Variants in DNAJC1 observed in about 807,000 individuals in gnomAD.
DNAJC1 encodes the protein dnaJ homolog subfamily C member 1.
In DNAJC1, 58 loss-of-function variants were observed where a neutral mutation model predicts 76.6. The observed-to-expected ratio is 0.76, with a 90% CI of 0.61 to 0.94. DNAJC1 has a LOEUF of 0.94. DNAJC1 is among the 40% of genes least tolerant of loss of function. The probability of loss-of-function intolerance (pLI) is 0.00; values close to 1 mark genes in which losing one functional copy is unlikely to be tolerated. For synonymous variants in DNAJC1, 258 were observed against 267.9 expected (o/e 0.96, Z 0.36); for missense variants, 689 against 677.3 (o/e 1.02, Z -0.19).
intron 8 of DNAJC1, among the ~76,000 whole-genome samples, chr10:21,854,189 T>C (rs911528063): frequency 2.0e-5 from 3 of 152,060 alleles, no homozygotes; most frequent in African/African-American, 7.2e-5. Flanking sequence ...AATTATAATA[T>C]AAGAATTATA....
At chr10:21,960,156 T>C (rs887788399) in intron 1 of DNAJC1, among the ~76,000 whole-genome samples, 1 of 152,142 alleles carries the variant, frequency 6.6e-6, no homozygotes, top group African/African-American at 2.4e-5. Context: ...ACAGATGCAG[T>C]TAAAAGCCTC....
At position 21,929,140 on chromosome 10, in the gene DNAJC1, T is replaced by A; in HGVS notation, c.224A>T (p.Asp75Val). The A allele has an allele frequency of 6.2e-7, 1 of 1,605,012 alleles. No individual in the cohort carries two copies. Among genetic ancestry groups the A allele is most frequent in the South Asian group, 1.1e-5 (1 of 89,864 alleles). ...TTTTCTGATGTCTGCAGATGATGCA[T>A]CCTGGAGGTGGTAGGGGGAGGGGAA... Reference protein sequence around the residue: ...NFYQFLGVQQDASSADIRKAY... With the variant: ...NFYQFLGVQQVASSADIRKAY... Residue 75 changes from aspartate (D) to valine (V), a missense_variant and splice_region_variant, in exon 2 of 12, where the codon GAT becomes GTT. Physicochemically the swap from Asp to Val is radical, Grantham distance 152 (BLOSUM62 -3). Coordinates refer to ENST00000376980, the MANE Select transcript of DNAJC1 (RefSeq NM_022365.4).
chr10:21,831,745 G>A lies in DNAJC1; in HGVS notation c.979-25646C>T, dbSNP rs190179854. 2.5e-3 allele frequency among the ~76,000 whole-genome samples: 353 copies of A among 139,728 alleles called. 3 individuals are homozygous for A. Among genetic ancestry groups the A allele is most frequent in the African/African-American group, 8.5e-3 (313 of 36,904 alleles). 91.7% of individuals were successfully genotyped at this position (139,728 alleles called of 152,430 possible). A position where few individuals can be genotyped will look rare whatever the true frequency, so the allele number is the denominator to read the frequency against. On this transcript the variant is annotated intron_variant, in intron 8 of 11. Transcript: ENST00000376980. ...GTGGAGCTTGTAGTGAGCTGAGATC[G>A]CACCACTGCACTCCAGCCTGGGCGA...
At chr10:21,808,369 T>C (rs896864783) in intron 8 of DNAJC1, among the ~76,000 whole-genome samples, 3 of 152,138 alleles carry the variant, frequency 2.0e-5, no homozygotes, top group African/African-American at 4.8e-5. Flanking sequence ...TGTAAAAGCA[T>C]AGTAGTTTTC....
In DNAJC1 at chr10:21,947,020, T is replaced by TA. The variant is rs1186074008; in HGVS notation, c.223-17880_223-17879insT. On this transcript the variant is annotated intron_variant, in intron 1 of 11. Coordinates refer to ENST00000376980, the MANE Select transcript of DNAJC1 (RefSeq NM_022365.4). Reference sequence around the variant, plus strand: ...ATGCAGCATGAAGGCCCTCACCAGATGCTCCCACCTTGATATTGGACTTTC... The same window carrying TA: ...ATGCAGCATGAAGGCCCTCACCAGATAGCTCCCACCTTGATATTGGACTTTC... 3.3e-5 allele frequency among the ~76,000 whole-genome samples: 5 copies of TA among 152,278 alleles called. No individual in the cohort carries two copies. The South Asian group carries it at 1.0e-3, about 32-fold the overall frequency.
chr10:21,956,308 C>A (rs2131812764), intron 1 of DNAJC1, among the ~76,000 whole-genome samples: 1 of 152,264 alleles, frequency 6.6e-6, no homozygotes. Context: ...ACCTAATCAC[C>A]TTTTAAAAGT....
chr10:21,836,526 G>A (rs1835458521), intron 8 of DNAJC1, among the ~76,000 whole-genome samples: 1 of 152,138 alleles, frequency 6.6e-6, no homozygotes, highest in Admixed American at 6.5e-5. Flanking sequence ...AAGAGACACA[G>A]ACTGGCAAAT....
chr10:21,943,019 T>C (rs1037252892), intron 1 of DNAJC1, among the ~76,000 whole-genome samples: 1 of 151,724 alleles, frequency 6.6e-6, no homozygotes, highest in Non-Finnish European at 1.5e-5. Context: ...CCTCAGCAAC[T>C]GACAAGTTAA....
intron 11 of DNAJC1, among the ~76,000 whole-genome samples, chr10:21,757,167 G>A (rs1273299214): frequency 2.6e-5 from 4 of 152,308 alleles, no homozygotes; most frequent in Non-Finnish European, 4.4e-5. Flanking sequence ...TTCCCTAGGC[G>A]CTGCTAAGAC....
chr10:21,835,329 G>A (rs924657077), intron 8 of DNAJC1, among the ~76,000 whole-genome samples: 2 of 152,064 alleles, frequency 1.3e-5, no homozygotes, highest in African/African-American at 2.4e-5. Context: ...CCATCTGTAC[G>A]TCACCATCAT....
chr10:21,854,350 T>TAA (rs56109403), intron 8 of DNAJC1, among the ~76,000 whole-genome samples: 158 of 131,240 alleles, frequency 1.2e-3, no homozygotes, highest in African/African-American at 4.0e-3. Context: ...TGTGGATCTT[T>TAA]AAAAAAAAAA....
At chr10:21,933,550 C>T (rs1254911783) in intron 1 of DNAJC1, 3 of 151,672 alleles carry the variant, frequency 2.0e-5, no homozygotes, top group Non-Finnish European at 4.4e-5. Context: ...GATATTCAGG[C>T]TCTGCACAAG....
chr10:21,885,787 T>C (rs538358428), intron 7 of DNAJC1, among the ~76,000 whole-genome samples: 9 of 152,214 alleles, frequency 5.9e-5, no homozygotes, highest in African/African-American at 2.2e-4. Flanking sequence ...TTGAAACTAA[T>C]GAAAACAAAG....
At chr10:21,974,102 A>T (rs1193586309) in intron 1 of DNAJC1, among the ~76,000 whole-genome samples, 21 of 148,334 alleles carry the variant, frequency 1.4e-4, no homozygotes, top group Non-Finnish European at 2.1e-4. Flanking sequence ...ACCCGTCTCA[A>T]AAAAAAAAAA....
chr10:21,957,652 T>C (rs566892463), intron 1 of DNAJC1, among the ~76,000 whole-genome samples: 1 of 152,316 alleles, frequency 6.6e-6, no homozygotes, highest in African/African-American at 2.4e-5. Context: ...TAGGCTTTAC[T>C]CATCTTTTTT....
intron 8 of DNAJC1, among the ~76,000 whole-genome samples, chr10:21,842,935 G>A (rs955225065): frequency 6.6e-6 from 1 of 152,124 alleles, no homozygotes; most frequent in Non-Finnish European, 1.5e-5. Flanking sequence ...TATCCCCTGT[G>A]CTTAGTTCAG....
chr10:21,979,766 A>G (rs1838122671), intron 1 of DNAJC1, among the ~76,000 whole-genome samples: 1 of 151,762 alleles, frequency 6.6e-6, no homozygotes, highest in Admixed American at 6.6e-5. Flanking sequence ...CGGCTAAGGT[A>G]CAATGGATAA....
intron 8 of DNAJC1, among the ~76,000 whole-genome samples, chr10:21,861,581 A>G (rs1835916914): frequency 6.6e-6 from 1 of 152,164 alleles, no homozygotes; most frequent in Non-Finnish European, 1.5e-5. Context: ...TGAGACAGGA[A>G]GGAGGTTGGC....
chr10:21,981,451 G>A (rs926627118), intron 1 of DNAJC1, among the ~76,000 whole-genome samples: 1 of 152,146 alleles, frequency 6.6e-6, no homozygotes, highest in Non-Finnish European at 1.5e-5. Flanking sequence ...TTAATAATGG[G>A]ATTAAATTTG....
Sources: allele counts gnomAD v4.1 joint callset (sites outside exome capture counted in the v4.1 genomes callset), GRCh38; gene constraint gnomAD v4.1.1; transcripts MANE v1.5; gene names NCBI Gene and HGNC (gene_info 2026-07-23, HGNC 2026-07-21).